Variants in MALRD1 observed in about 807,000 individuals in gnomAD.
MALRD1 encodes the protein MAM and LDL-receptor class A domain-containing protein 1.
MALRD1 carries 247 observed loss-of-function variants against 242.1 expected under a neutral mutation model. That is an observed-to-expected ratio of 1.02 (90% CI 0.92 to 1.13). MALRD1 has a LOEUF of 1.13. MALRD1 is among the 50% of genes most tolerant of loss of function. The pLI, the probability that MALRD1 is intolerant of heterozygous loss-of-function variation, is 0.00. For missense variants in MALRD1, 2,989 were observed against 2,533.1 expected (o/e 1.18, Z -3.86); for synonymous variants, 995 against 866.6 (o/e 1.15, Z -2.60).
intron 26 of MALRD1, among the ~76,000 whole-genome samples, chr10:19,357,121 T>A (rs202042651): frequency 7.3e-6 from 1 of 137,218 alleles, no homozygotes; most frequent in East Asian, 2.1e-4. Context: ...AAAAAAAAAA[T>A]AAAAAACAAA....
intron 23 of MALRD1, among the ~76,000 whole-genome samples, chr10:19,328,839 T>A (rs995815070): frequency 2.0e-5 from 3 of 152,170 alleles, no homozygotes; most frequent in Admixed American, 6.6e-5. Flanking sequence ...AACATGAAAC[T>A]TTTTATTAGA....
In MALRD1 at chr10:19,478,993, T is replaced by A. The variant is rs117121993; in HGVS notation, c.5030-12524T>A. Among the ~76,000 whole-genome samples, 1,162 of 152,340 alleles carry A rather than the reference T, an allele frequency of 7.6e-3. 10 individuals are homozygous for A. The highest frequency in any genetic ancestry group is 0.027 in the Middle Eastern group (8 of 294). ...GAATTAGCCTAGTACAAATAGCATG[T>A]TTAGAATGTATTTGGTGTTTCAAAT... On this transcript the variant is annotated intron_variant, in intron 29 of 39. Transcript: ENST00000454679.
chr10:19,705,912 T>C (rs185645524), intron 38 of MALRD1, among the ~76,000 whole-genome samples: 2 of 151,864 alleles, frequency 1.3e-5, no homozygotes, highest in African/African-American at 2.4e-5. Flanking sequence ...TTACCCTTTT[T>C]CCAGAGATTT....
rs1053950280 is a variant in MALRD1, at chr10:19,333,880, C to T, written c.3901+2298C>T. Among the ~76,000 whole-genome samples, 18 of 151,922 alleles carry T rather than the reference C, an allele frequency of 1.2e-4. 1 individual carries two copies. The highest frequency in any genetic ancestry group is 1.1e-3 in the Admixed American group (17 of 15,234). On this transcript the variant is annotated intron_variant, in intron 24 of 39. Coordinates refer to ENST00000454679, the MANE Select transcript of MALRD1 (RefSeq NM_001142308.3). ...GGTATCTCACTGTGGTTTTGATTTGCATTTCTCTGATGATTAGTGATACAG... is the reference window on the plus strand; with the variant it reads ...GGTATCTCACTGTGGTTTTGATTTGTATTTCTCTGATGATTAGTGATACAG...
chr10:19,104,938 T>A (rs1236438335), intron 5 of MALRD1, among the ~76,000 whole-genome samples: 8 of 152,148 alleles, frequency 5.3e-5, no homozygotes, highest in African/African-American at 1.9e-4. Context: ...TACCATGTGA[T>A]GTTAAATACA....
rs117411976 is a variant in MALRD1, at chr10:19,400,083, C to T, written c.4845+10474C>T. ...TTGCTTTCATTCATTGCGATTTAAACATATATTTAGTGAGCTTTTCCTTAA... is the reference window on the plus strand; with the variant it reads ...TTGCTTTCATTCATTGCGATTTAAATATATATTTAGTGAGCTTTTCCTTAA... On this transcript the variant is annotated intron_variant, in intron 28 of 39. Coordinates refer to ENST00000454679, the MANE Select transcript of MALRD1 (RefSeq NM_001142308.3). Among the ~76,000 whole-genome samples, 126 of 152,236 alleles carry T rather than the reference C, an allele frequency of 8.3e-4. 2 individuals are homozygous for T. In the East Asian group the frequency reaches 0.016, roughly 19 times the overall value.
chr10:19,377,406 T>A (rs889739613), intron 26 of MALRD1, among the ~76,000 whole-genome samples: 1 of 152,184 alleles, frequency 6.6e-6, no homozygotes, highest in Non-Finnish European at 1.5e-5. Flanking sequence ...TGCAAAGTTA[T>A]TGAGAATGGA....
chr10:19,631,117 A>AT (rs989796176), intron 36 of MALRD1, among the ~76,000 whole-genome samples: 9 of 151,990 alleles, frequency 5.9e-5, no homozygotes, highest in African/African-American at 1.7e-4. Context: ...ACCAATAGTT[A>AT]TTTTTTTCTG....
At chr10:19,066,069 A>G (rs1834970391) in intron 1 of MALRD1, among the ~76,000 whole-genome samples, 1 of 152,160 alleles carries the variant, frequency 6.6e-6, no homozygotes, top group South Asian at 2.1e-4. Context: ...TGTGATATAA[A>G]ATGATGTATT....
chr10:19,088,100 T>C lies in MALRD1; in HGVS notation c.512T>C (p.Ile171Thr). ...CTTCAAACTGCATGTGGAGGTCCTATTCAGCATTTATGGCAAAACACAGCT... is the reference window on the plus strand; with the variant it reads ...CTTCAAACTGCATGTGGAGGTCCTACTCAGCATTTATGGCAAAACACAGCT... ...VGLQTACGGP[I>T]QHLWQNTAAL... The change falls in exon 4 of 40, where the codon ATT becomes ACT. Residue 171 changes from isoleucine (I) to threonine (T), a missense_variant. Transcript: ENST00000454679. 8.1e-7 allele frequency: 1 copy of C among 1,233,592 alleles called. No individual in the cohort carries two copies. The highest frequency in any genetic ancestry group is 1.5e-5 in the African/African-American group (1 of 64,588). 76.4% of individuals were successfully genotyped at this position (1,233,592 alleles called of 1,614,324 possible).
Position 19,623,577 on chromosome 10 carries a change from C to T in MALRD1, c.6137+7654C>T, listed in dbSNP as rs1028108840. On this transcript the variant is annotated intron_variant, in intron 36 of 39. Coordinates refer to ENST00000454679, the MANE Select transcript of MALRD1 (RefSeq NM_001142308.3). ...GAACTAAGAACCAGAGAAGCCAGTG[C>T]TTTAACTCCCAGTCCAAGGCTGTAG... Among the ~76,000 whole-genome samples, 9 of 152,266 alleles carry T rather than the reference C, an allele frequency of 5.9e-5. No homozygotes were observed. The East Asian group carries it at 1.7e-3, about 29-fold the overall frequency.
At chr10:19,583,485 G>A (rs2131515955) in intron 33 of MALRD1, among the ~76,000 whole-genome samples, 1 of 150,114 alleles carries the variant, frequency 6.7e-6, no homozygotes, top group South Asian at 2.1e-4. Context: ...AGATAATCAT[G>A]TGGTTTTTGT....
intron 4 of MALRD1, among the ~76,000 whole-genome samples, chr10:19,101,553 A>G (rs1357917815): frequency 7.3e-6 from 1 of 136,572 alleles, no homozygotes; most frequent in Non-Finnish European, 1.5e-5. Flanking sequence ...CATATAAAAT[A>G]TATAATATGT....
intron 2 of MALRD1, among the ~76,000 whole-genome samples, chr10:19,073,639 A>G (rs1401697573): frequency 6.6e-6 from 1 of 152,164 alleles, no homozygotes; most frequent in Non-Finnish European, 1.5e-5. Context: ...AATGAATTTT[A>G]TGTTTAGACT....
chr10:19,655,831 A>G (rs374706834), intron 36 of MALRD1, among the ~76,000 whole-genome samples: 1 of 151,960 alleles, frequency 6.6e-6, no homozygotes, highest in East Asian at 1.9e-4. Flanking sequence ...AGTAGAGTGT[A>G]TGGAATTTGG....
chr10:19,265,269 A>T (rs1459230482), intron 19 of MALRD1, among the ~76,000 whole-genome samples: 1 of 151,428 alleles, frequency 6.6e-6, no homozygotes, highest in Non-Finnish European at 1.5e-5. Context: ...TTTGGAGCTT[A>T]GTTTGTTCTT....
At chr10:19,355,858 T>TATATATATATGTATATATATA (rs57813656) in intron 26 of MALRD1, among the ~76,000 whole-genome samples, 1 of 94,924 alleles carries the variant, frequency 1.1e-5, no homozygotes, top group Non-Finnish European at 2.2e-5. Flanking sequence ...TATATATATA[T>TATATATATATGTATATATATA]TATATATGAT....
At chr10:19,205,343 A>G (rs1836738417) in intron 17 of MALRD1, 78 bp downstream of exon 17, 4 of 1,436,512 alleles carry the variant, frequency 2.8e-6, no homozygotes, top group Non-Finnish European at 9.2e-7. Context: ...TTGTCTTGCC[A>G]ATCAAACCGA....
chr10:19,356,468 G>A (rs1055259278), intron 26 of MALRD1, among the ~76,000 whole-genome samples: 2 of 152,020 alleles, frequency 1.3e-5, no homozygotes, highest in African/African-American at 2.4e-5. Context: ...TTTTAAAAAC[G>A]AAATTAATTT....
Sources: gnomAD v4.1 joint callset for allele counts (sites outside exome capture counted in the v4.1 genomes callset) on GRCh38, gnomAD v4.1.1 for gene constraint, MANE v1.5 for transcripts, NCBI Gene and HGNC (gene_info 2026-07-23, HGNC 2026-07-21) for gene names.